The following GNE variants were observed in gnomAD, a reference collection of about 807,000 sequenced individuals.
GNE encodes glucosamine (UDP-N-acetyl)-2-epimerase/N-acetylmannosamine kinase, also known as bifunctional UDP-N-acetylglucosamine 2-epimerase/N-acetylmannosamine kinase.
GNE carries 41 observed loss-of-function variants against 61.8 expected under a neutral mutation model. That is an observed-to-expected ratio of 0.66 (90% CI 0.52 to 0.86). GNE has a LOEUF of 0.86. Ranked by LOEUF, GNE falls within the 40% of genes least tolerant of loss-of-function variation. The pLI, the probability that GNE is intolerant of heterozygous loss-of-function variation, is 0.00. For missense variants in GNE, 608 were observed against 909.1 expected, an observed-to-expected ratio of 0.67 and a Z score of 4.26; for synonymous variants, 264 against 326.4, an observed-to-expected ratio of 0.81 and a Z score of 2.06.
chr9:36,228,037 A>T (rs2133044730), intron 6 of GNE, among the ~76,000 whole-genome samples: 1 of 151,060 alleles, frequency 6.6e-6, no homozygotes, highest in Non-Finnish European at 1.5e-5. Flanking sequence ...CGTCTCAAAA[A>T]AAAAAAAAAA....
At chr9:36,223,113 C>T (rs1367863806) in intron 8 of GNE, 115 bp from the exon 9 acceptor site, 19 of 1,017,146 alleles carry the variant, frequency 1.9e-5, no homozygotes, top group South Asian at 7.7e-5. Flanking sequence ...CTAAGACAAA[C>T]GTTACCAAGG....
chr9:36,250,933 G>A (rs1237124069), intron 1 of GNE, among the ~76,000 whole-genome samples: 8 of 151,968 alleles, frequency 5.3e-5, no homozygotes, highest in Admixed American at 2.0e-4. Context: ...CACCCACCTC[G>A]GCCTCCCAAA....
intron 2 of GNE, among the ~76,000 whole-genome samples, chr9:36,248,941 T>C (rs1830008098): frequency 6.6e-6 from 1 of 152,242 alleles, no homozygotes; most frequent in Non-Finnish European, 1.5e-5. Context: ...ATCAATCATC[T>C]ACTAAGCGGC....
At chr9:36,257,434 C>T (rs1015401463) in intron 1 of GNE, among the ~76,000 whole-genome samples, 1 of 152,024 alleles carries the variant, frequency 6.6e-6, no homozygotes, top group Non-Finnish European at 1.5e-5. Flanking sequence ...ACCTATACTG[C>T]GAAACTGTAC....
chr9:36,253,910 C>A (rs1404385079), intron 1 of GNE, among the ~76,000 whole-genome samples: 1 of 151,908 alleles, frequency 6.6e-6, no homozygotes, highest in Non-Finnish European at 1.5e-5. Flanking sequence ...TGGTGGCGTG[C>A]ACCTGCAATC....
intron 5 of GNE, among the ~76,000 whole-genome samples, chr9:36,233,691 T>C (rs1439730727): frequency 6.6e-6 from 1 of 151,980 alleles, no homozygotes; most frequent in Non-Finnish European, 1.5e-5. Flanking sequence ...AAAGAACCAC[T>C]TAGTGCTAAT....
intron 7 of GNE, among the ~76,000 whole-genome samples, chr9:36,226,433 C>T (rs1402539701): frequency 6.6e-6 from 1 of 152,096 alleles, no homozygotes; most frequent in Non-Finnish European, 1.5e-5. Context: ...ATCTGCCCAC[C>T]TGGACTTCCC....
upstream of GNE, among the ~76,000 whole-genome samples, chr9:36,261,052 C>T (rs771328964): frequency 5.3e-5 from 8 of 152,120 alleles, no homozygotes; most frequent in Non-Finnish European, 8.8e-5. Flanking sequence ...AGAGGCTGCC[C>T]ACATTCCTTG....
chr9:36,234,260 A>T, intron 4 of GNE, 128 bp from the exon 5 acceptor site: 1 of 751,072 alleles, frequency 1.3e-6, no homozygotes, highest in Non-Finnish European at 2.4e-6. Context: ...GGGAAATAGT[A>T]ATTTTAACTA....
At chr9:36,241,968 T>G (rs1200559749) in intron 3 of GNE, among the ~76,000 whole-genome samples, 2 of 151,974 alleles carry the variant, frequency 1.3e-5, no homozygotes, top group African/African-American at 4.8e-5. Flanking sequence ...AAGCCCCATC[T>G]CTACTAAAAA....
At position 36,222,902 on chromosome 9, in the gene GNE, G is replaced by C. The variant is rs371648692; in HGVS notation, c.1508C>G (p.Pro503Arg). Residue 503 changes from proline (P) to arginine (R), a missense_variant, in exon 9 of 12, where the codon CCC becomes CGC. Coordinates refer to ENST00000642385, the MANE Select transcript of GNE (RefSeq NM_005476.7). The part of the protein sequence containing the change: ...QEWNSVDLRT[P>R]LSDTLHLPVW... The stretch of plus-strand genomic sequence containing the variant: ...AGGGAGATGCAAAGTGTCAGAAAGG[G>C]GGGTCCTAAGGTCCACAGAGTTCCA... The C allele has an allele frequency of 1.2e-6, 2 of 1,614,040 alleles. No individual in the cohort carries two copies. Among genetic ancestry groups the C allele is most frequent in the African/African-American group, 2.7e-5 (2 of 74,912 alleles).
intron 1 of GNE, among the ~76,000 whole-genome samples, chr9:36,266,693 A>T (rs1830805059): frequency 6.6e-6 from 1 of 152,100 alleles, no homozygotes; most frequent in African/African-American, 2.4e-5. Flanking sequence ...GCGGATCACA[A>T]GGTCAGGAGA....
chr9:36,276,783 TA>T, intron 1 of GNE: 1 of 818,446 alleles, frequency 1.2e-6, no homozygotes. Flanking sequence ...ATGGATTTGA[TA>T]GATTTAAAAC....
At chr9:36,264,051 C>T (rs939862248) in intron 1 of GNE, among the ~76,000 whole-genome samples, 47 of 152,002 alleles carry the variant, frequency 3.1e-4, no homozygotes, top group African/African-American at 1.0e-3. Context: ...GAATCCAGGC[C>T]CTGACTTGAC....
chr9:36,259,768 C>T (rs574376403), upstream of GNE, among the ~76,000 whole-genome samples: 4 of 152,326 alleles, frequency 2.6e-5, no homozygotes, highest in Non-Finnish European at 4.4e-5. Context: ...TCAAGCAATT[C>T]TCCTGCCTTA....
chr9:36,226,339 A>AT (rs35541515), intron 7 of GNE, among the ~76,000 whole-genome samples: 46,118 of 141,134 alleles, frequency 0.33, 7,745 homozygotes, highest in Middle Eastern at 0.39. Context: ...TGCCCAGCTA[A>AT]TTTTTTTTTT....
intron 5 of GNE, among the ~76,000 whole-genome samples, chr9:36,232,899 G>T (rs569339606): frequency 6.6e-6 from 1 of 152,180 alleles, no homozygotes; most frequent in East Asian, 1.9e-4. Context: ...CTAAATAAAT[G>T]AATTGAGGAA....
chr9:36,261,552 CAAAA>C (rs566779282), upstream of GNE, among the ~76,000 whole-genome samples: 1 of 88,320 alleles, frequency 1.1e-5, no homozygotes. Flanking sequence ...GACTCCGTCT[CAAAA>C]AAAAAAAAAA....
chr9:36,219,806 G>A (rs770676846), intron 10 of GNE, 32 bp downstream of exon 10: 1 of 1,587,776 alleles, frequency 6.3e-7, no homozygotes. Context: ...CTACTATTTG[G>A]TTACTTAATT....
Sources: allele counts gnomAD v4.1 joint callset (sites outside exome capture counted in the v4.1 genomes callset), GRCh38; gene constraint gnomAD v4.1.1; transcripts MANE v1.5; gene names NCBI Gene and HGNC (gene_info 2026-07-23, HGNC 2026-07-21).